The following ABI3BP variants were observed in gnomAD, a reference collection of about 807,000 sequenced individuals.
ABI3BP encodes ABI family member 3 binding protein, also known as target of Nesh-SH3.
ABI3BP carries 216 observed loss-of-function variants against 268.6 expected under a neutral mutation model. That is an observed-to-expected ratio of 0.80 (90% confidence interval 0.72 to 0.90). ABI3BP has a LOEUF of 0.90. Among genes scored for constraint, ABI3BP ranks in the 40% least tolerant of loss-of-function variants. The pLI, the probability that ABI3BP is intolerant of heterozygous loss-of-function variation, is 0.00. For synonymous variants in ABI3BP, 730 were observed against 730.0 expected (o/e 1.00, Z 0.00); for missense variants, 2,090 against 2,182.4 (o/e 0.96, Z 0.84).
At chr3:100,849,589 A>C (rs2098816235) in intron 17 of ABI3BP, among the ~76,000 whole-genome samples, 1 of 152,070 alleles carries the variant, frequency 6.6e-6, no homozygotes, top group Admixed American at 6.5e-5. Flanking sequence ...CTATTTCAAT[A>C]ATTTTCTGTT....
At position 100,886,232 on chromosome 3, in the gene ABI3BP, T is replaced by C. The variant is rs1214302494; in HGVS notation, c.553A>G (p.Lys185Glu). ...CCAAATTCATAAACTGTGTTGGGCT[T>C]TAGGTTTTCCACAATTGTTTCAGTG... ...PATETIVENL[K>E]PNTVYEFGVK... is the part of the protein sequence containing the mutation. Residue 185 changes from lysine to glutamate, a missense_variant, in exon 5 of 68, where the codon AAG (lysine) becomes GAG (glutamate). Transcript: ENST00000471714. 6.2e-7 allele frequency: 1 copy of C among 1,611,466 alleles called. No individual in the cohort carries two copies. The highest frequency in any genetic ancestry group is 1.3e-5 in the African/African-American group (1 of 74,918).
intron 1 of ABI3BP, among the ~76,000 whole-genome samples, chr3:100,947,696 A>G (rs2073118257): frequency 6.6e-6 from 1 of 152,160 alleles, no homozygotes; most frequent in African/African-American, 2.4e-5. Context: ...ATGGTAAGAA[A>G]GAGAGGCCAG....
chr3:100,894,880 A>T, intron 4 of ABI3BP, among the ~76,000 whole-genome samples: 1 of 139,092 alleles, frequency 7.2e-6, no homozygotes, highest in Non-Finnish European at 1.5e-5. Context: ...CGGAGCTTAC[A>T]GTGAGCCGAG....
At chr3:100,824,167 A>C (rs182711926) in intron 36 of ABI3BP, among the ~76,000 whole-genome samples, 52 of 152,278 alleles carry the variant, frequency 3.4e-4, no homozygotes, top group African/African-American at 1.2e-3. Context: ...TCAGGTCCTC[A>C]AAATCCTTCT....
intron 19 of ABI3BP, among the ~76,000 whole-genome samples, chr3:100,846,950 A>G (rs1401276406): frequency 6.6e-6 from 1 of 152,216 alleles, no homozygotes; most frequent in African/African-American, 2.4e-5. Flanking sequence ...TATTAAGACC[A>G]GCTATATTTT....
chr3:100,867,640 C>CAAAAAAAAAAA (rs5851230), intron 9 of ABI3BP, among the ~76,000 whole-genome samples: 12 of 64,222 alleles, frequency 1.9e-4, no homozygotes, highest in Admixed American at 2.3e-4. Flanking sequence ...GACCCCGTCT[C>CAAAAAAAAAAA]AAAAAAAAAA....
intron 1 of ABI3BP, among the ~76,000 whole-genome samples, chr3:100,972,221 TG>T (rs1314933423): frequency 6.6e-6 from 1 of 152,216 alleles, no homozygotes; most frequent in African/African-American, 2.4e-5. Context: ...GATAATTGTG[TG>T]AAAGTGCTTT....
At chr3:100,893,884 A>G (rs2045936293) in intron 4 of ABI3BP, among the ~76,000 whole-genome samples, 1 of 152,200 alleles carries the variant, frequency 6.6e-6, no homozygotes, top group African/African-American at 2.4e-5. Context: ...GATCATGAGC[A>G]CTGTCTGAAG....
intron 9 of ABI3BP, among the ~76,000 whole-genome samples, chr3:100,872,402 A>T (rs1349522427): frequency 6.6e-6 from 1 of 152,168 alleles, no homozygotes; most frequent in Non-Finnish European, 1.5e-5. Context: ...TAGAATTTTT[A>T]AATTTTTTTT....
intron 61 of ABI3BP, among the ~76,000 whole-genome samples, chr3:100,773,361 G>A (rs937886682): frequency 6.6e-6 from 1 of 152,116 alleles, no homozygotes; most frequent in Middle Eastern, 3.2e-3. Context: ...AAGCACATAA[G>A]ATGTTCAATG....
intron 9 of ABI3BP, among the ~76,000 whole-genome samples, chr3:100,869,469 C>A (rs778369650): frequency 6.6e-6 from 1 of 151,262 alleles, no homozygotes; most frequent in Non-Finnish European, 1.5e-5. Flanking sequence ...CCTGCTTCTG[C>A]CTCCCTAGTA....
intron 6 of ABI3BP, among the ~76,000 whole-genome samples, chr3:100,879,470 G>C (rs1052688950): frequency 6.6e-6 from 1 of 152,180 alleles, no homozygotes; most frequent in African/African-American, 2.4e-5. Context: ...TAACACATTA[G>C]AGCAGAAAAG....
In ABI3BP at chr3:100,830,506, G is replaced by A. The variant is rs534308861; in HGVS notation, c.2458+72C>T. The A allele has an allele frequency of 5.1e-5, 66 of 1,292,796 alleles. No individual in the cohort carries two copies. The African/African-American group carries it at 9.7e-4, about 19-fold the overall frequency. The allele number at this position is 1,292,796 out of a possible 1,614,324, so 80.1% of individuals were successfully genotyped here. The stretch of plus-strand genomic sequence containing the variant: ...AGCCTTGTGAAGCGGGAGAAGCTGT[G>A]GTTATGATGGTGATGAATGGGTTTG... On this transcript the variant is annotated intron_variant, in intron 32 of 67. Coordinates refer to ENST00000471714, the MANE Select transcript of ABI3BP (RefSeq NM_001375547.2).
intron 22 of ABI3BP, 37 bp from the exon 23 acceptor site, chr3:100,840,201 G>A: frequency 1.4e-6 from 2 of 1,436,986 alleles, no homozygotes; most frequent in Non-Finnish European, 1.9e-6. Flanking sequence ...TACAAGAAGG[G>A]TGGATTTACA....
rs559490969 is a variant in ABI3BP, at chr3:100,980,338, C to T, written c.79+12968G>A. Among the ~76,000 whole-genome samples the T allele has an allele frequency of 2.0e-5, 3 of 152,248 alleles. No individual in the cohort carries two copies. The South Asian group carries it at 6.2e-4, about 32-fold the overall frequency. On this transcript the variant is annotated intron_variant, in intron 1 of 67. Coordinates refer to ENST00000471714, the MANE Select transcript of ABI3BP (RefSeq NM_001375547.2). ...GTCTGCCTCCCCGGTTCACGCCATTCTCCCGCCTCAGCCTCCCTTGGTTTT... is the reference window on the plus strand; with the variant it reads ...GTCTGCCTCCCCGGTTCACGCCATTTTCCCGCCTCAGCCTCCCTTGGTTTT...
At position 100,830,772 on chromosome 3, in the gene ABI3BP, G is replaced by A. The variant is rs2098477354; in HGVS notation, c.2402-138C>T. 4 of 658,600 alleles carry A rather than the reference G, an allele frequency of 6.1e-6. No individual in the cohort carries two copies. The South Asian group carries it at 7.2e-5, about 12-fold the overall frequency. The allele number at this position is 658,600 out of a possible 1,614,324, so 40.8% of individuals were successfully genotyped here. On this transcript the variant is annotated intron_variant, in intron 31 of 67. Coordinates refer to ENST00000471714, the MANE Select transcript of ABI3BP (RefSeq NM_001375547.2). ...TATCATAACTCAAAAGAAAGTGGCT[G>A]TATTTTTTTCCTTTGAATATTTCTC...
At chr3:100,942,133 G>A (rs1292716791) in intron 1 of ABI3BP, among the ~76,000 whole-genome samples, 1 of 151,950 alleles carries the variant, frequency 6.6e-6, no homozygotes, top group Non-Finnish European at 1.5e-5. Context: ...TGGGTAGTAG[G>A]CATTAGTGAC....
In ABI3BP at chr3:100,840,155, T is replaced by C. The variant is rs766514002; in HGVS notation, c.1814A>G (p.Lys605Arg). 1 of 1,532,072 alleles carries C rather than the reference T, an allele frequency of 6.5e-7. No homozygotes were observed. The highest frequency in any genetic ancestry group is 1.2e-5 in the South Asian group (1 of 83,592). 94.9% of individuals were successfully genotyped at this position (1,532,072 alleles called of 1,614,324 possible). A position where few individuals can be genotyped will look rare whatever the true frequency, so the allele number is the denominator to read the frequency against. ...GGGGCGACGACCTGGTCTTTTGGTC[T>C]TTCGTGGTGCTGAAGAAAGAAAATT... ...TKPSTTLAPR[K>R]TKRPGRRPRP... Residue 605 changes from lysine to arginine, a missense_variant, in exon 23 of 68, where the codon AAG becomes AGG. Physicochemically the swap from Lys to Arg is conservative, Grantham distance 26 (BLOSUM62 2). Coordinates refer to ENST00000471714, the MANE Select transcript of ABI3BP (RefSeq NM_001375547.2).
intron 6 of ABI3BP, among the ~76,000 whole-genome samples, chr3:100,883,596 T>C (rs1371761675): frequency 6.6e-6 from 1 of 152,126 alleles, no homozygotes; most frequent in African/African-American, 2.4e-5. Flanking sequence ...TATAAGCTAT[T>C]ACATTAGCCA....
Sources: gnomAD v4.1 joint callset for allele counts (sites outside exome capture counted in the v4.1 genomes callset) on GRCh38, gnomAD v4.1.1 for gene constraint, MANE v1.5 for transcripts, NCBI Gene and HGNC (gene_info 2026-07-23, HGNC 2026-07-21) for gene names.